Variants in ORC2 observed in about 807,000 individuals in gnomAD.
ORC2 encodes origin recognition complex subunit 2.
ORC2 carries 37 observed loss-of-function variants against 77.7 expected under a neutral mutation model. That is an observed-to-expected ratio of 0.48 (90% CI 0.37 to 0.63). ORC2 has a LOEUF of 0.63. Among genes scored for constraint, ORC2 ranks in the 20% least tolerant of loss-of-function variants. The pLI, the probability that ORC2 is intolerant of heterozygous loss-of-function variation, is 0.00. For synonymous variants in ORC2, 201 were observed against 229.5 expected (o/e 0.88, Z 1.12); for missense variants, 557 against 661.9 (o/e 0.84, Z 1.74).
chr2:200,940,524 A>G (rs1279934445), intron 7 of ORC2, among the ~76,000 whole-genome samples: 1 of 152,086 alleles, frequency 6.6e-6, no homozygotes. Flanking sequence ...AAAGGAGGCC[A>G]GGCGTGGTGG....
chr2:200,950,122 G>C (rs1345232919), intron 4 of ORC2, among the ~76,000 whole-genome samples: 2 of 152,100 alleles, frequency 1.3e-5, no homozygotes, highest in Admixed American at 6.6e-5. Context: ...ACGAGGTCAG[G>C]AGATTGAGAG....
chr2:200,928,506 A>AC (rs1318652158), intron 11 of ORC2, among the ~76,000 whole-genome samples: 3 of 151,680 alleles, frequency 2.0e-5, no homozygotes, highest in Non-Finnish European at 4.4e-5. Context: ...GGCAAGGGAG[A>AC]CCATTGCCAA....
intron 15 of ORC2, 33 bp downstream of exon 15, chr2:200,920,189 T>A: frequency 6.4e-7 from 1 of 1,561,508 alleles, no homozygotes; most frequent in African/African-American, 1.4e-5. Context: ...AAATGTATAG[T>A]TTTTAAAAAA....
At chr2:200,956,639 T>C (rs545945490) in intron 4 of ORC2, among the ~76,000 whole-genome samples, 25 of 152,158 alleles carry the variant, frequency 1.6e-4, no homozygotes, top group African/African-American at 4.1e-4. Flanking sequence ...CATAAATAAA[T>C]ACCTTAAAAA....
rs200487684 is a variant in ORC2, at chr2:200,913,918, A to G, written c.1528+13T>C. ...CAAAAATTACACAATTGAATGTCAT[A>G]AATATTGGATACCAATGTAAGAAGG... On this transcript the variant is annotated intron_variant, in intron 16 of 17. Transcript: ENST00000234296. The G allele has an allele frequency of 2.5e-6, 4 of 1,582,106 alleles. No individual in the cohort carries two copies. The East Asian group carries it at 9.0e-5, about 36-fold the overall frequency.
At chr2:200,915,248 G>A (rs1240397727) in intron 15 of ORC2, among the ~76,000 whole-genome samples, 1 of 151,496 alleles carries the variant, frequency 6.6e-6, no homozygotes, top group Non-Finnish European at 1.5e-5. Context: ...CCCGACCTCA[G>A]GTGATCCACC....
At chr2:200,924,401 G>A (rs934306488) in intron 13 of ORC2, among the ~76,000 whole-genome samples, 30 of 152,046 alleles carry the variant, frequency 2.0e-4, no homozygotes, top group African/African-American at 7.2e-4. Context: ...AATGGGTGTA[G>A]GAGTGTGAAA....
chr2:200,933,411 T>C (rs886851725), intron 10 of ORC2, among the ~76,000 whole-genome samples: 6 of 152,090 alleles, frequency 3.9e-5, no homozygotes, highest in Non-Finnish European at 8.8e-5. Flanking sequence ...GTGTGAGATT[T>C]AGTGAATACA....
In ORC2 at chr2:200,963,658, G is replaced by A. The variant is rs1013251689; in HGVS notation, c.-228C>T. 7.5e-6 allele frequency: 3 copies of A among 398,300 alleles called. No homozygotes were observed. The highest frequency in any genetic ancestry group is 4.4e-5 in the Admixed American group (1 of 22,728). The allele number at this position is 398,300 out of a possible 1,614,324, so 24.7% of individuals were successfully genotyped here. ...AAGGAGCACCGGAGGCCAGCTGGGG[G>A]ATGGGAAGCCTGCGTGCGGCACACC... On this transcript the variant is annotated 5_prime_UTR_variant, in exon 1 of 18. Transcript: ENST00000234296.
chr2:200,913,505 T>C lies in ORC2; in HGVS notation c.1529-92A>G. On this transcript the variant is annotated intron_variant, in intron 16 of 17. Coordinates refer to ENST00000234296, the MANE Select transcript of ORC2 (RefSeq NM_006190.5). ...ATACAAAAGAACAGAATAAAAGTGC[T>C]ATTTGCATGTTATCCCAGAGCAGTG... 3 of 1,431,442 alleles carry C rather than the reference T, an allele frequency of 2.1e-6. No homozygotes were observed. The South Asian group carries it at 4.3e-5, about 21-fold the overall frequency. 88.7% of individuals were successfully genotyped at this position (1,431,442 alleles called of 1,614,324 possible). A position where few individuals can be genotyped will look rare whatever the true frequency, so the allele number is the denominator to read the frequency against.
rs757669078 is a variant in ORC2, at chr2:200,933,891, T to C, written c.792A>G (p.Arg264=). 1 of 1,602,004 alleles carries C rather than the reference T, an allele frequency of 6.2e-7. No individual in the cohort carries two copies. The highest frequency in any genetic ancestry group is 1.3e-5 in the African/African-American group (1 of 74,590). ...TGTAACATACCTGATCCAGTTTAGC[T>C]CTCTTTAGCTTCTGCAGTGTTCTAT... ...TSDRTLQKLK[R]AKLDQQTLRN... The change falls in exon 10 of 18, where the codon AGA becomes AGG. Residue 264 remains arginine (R), a synonymous_variant. Transcript: ENST00000234296.
chr2:200,949,495 G>C, intron 5 of ORC2, 59 bp downstream of exon 5: 1 of 884,768 alleles, frequency 1.1e-6, no homozygotes, highest in South Asian at 1.4e-5. Flanking sequence ...TGGGGAATGT[G>C]GTTAAATCTA....
chr2:200,957,679 T>A, intron 3 of ORC2, 135 bp from the exon 4 acceptor site: 1 of 514,230 alleles, frequency 1.9e-6, no homozygotes, highest in Non-Finnish European at 3.2e-6. Flanking sequence ...TGATTAAAAC[T>A]GACCACTCTG....
At chr2:200,949,011 G>T (rs2041300902) in intron 5 of ORC2, among the ~76,000 whole-genome samples, 1 of 151,990 alleles carries the variant, frequency 6.6e-6, no homozygotes, top group South Asian at 2.1e-4. Flanking sequence ...AGCCGAGGTG[G>T]GTGGATCACT....
chr2:200,949,769 T>C, intron 4 of ORC2, 126 bp from the exon 5 acceptor site: 1 of 473,908 alleles, frequency 2.1e-6, no homozygotes, highest in Non-Finnish European at 3.7e-6. Flanking sequence ...TATATTTATA[T>C]ATAAAATATT....
chr2:200,913,170 T>G (rs2040580185), intron 17 of ORC2, 125 bp downstream of exon 17: 9 of 621,132 alleles, frequency 1.4e-5, no homozygotes, highest in Middle Eastern at 5.9e-4. Flanking sequence ...ATCCCCTAAA[T>G]GAATCTCTGT....
intron 11 of ORC2, among the ~76,000 whole-genome samples, chr2:200,928,301 AGCT>A (rs16836202): frequency 0.22 from 32,636 of 151,600 alleles, 4,310 homozygotes; most frequent in African/African-American, 0.37. Context: ...GGTTGCAGAG[AGCT>A]GAGATCACAT....
intron 5 of ORC2, among the ~76,000 whole-genome samples, chr2:200,948,076 T>TA: frequency 7.5e-6 from 1 of 132,558 alleles, no homozygotes; most frequent in East Asian, 2.0e-4. Flanking sequence ...GCCTGGCTAA[T>TA]TTTTTTTTTT....
At chr2:200,938,510 A>G (rs982375216) in intron 7 of ORC2, among the ~76,000 whole-genome samples, 3 of 152,220 alleles carry the variant, frequency 2.0e-5, no homozygotes, top group African/African-American at 7.2e-5. Context: ...TGTATTTAAA[A>G]AATTGTAACT....
Sources: allele counts gnomAD v4.1 joint callset (sites outside exome capture counted in the v4.1 genomes callset), GRCh38; gene constraint gnomAD v4.1.1; transcripts MANE v1.5; gene names NCBI Gene and HGNC (gene_info 2026-07-23, HGNC 2026-07-21).